The following SEMA3E variants were observed in gnomAD, a reference collection of about 807,000 sequenced individuals.
SEMA3E encodes semaphorin-3E.
A neutral mutation model predicts 93.6 loss-of-function variants in SEMA3E; 49 were observed. The observed-to-expected ratio is 0.52, with a 90% CI of 0.42 to 0.66. The LOEUF (loss-of-function observed/expected upper bound fraction) is 0.66, where lower values mean the gene tolerates loss of function less well. Among genes scored for constraint, SEMA3E ranks in the 30% least tolerant of loss-of-function variants. The pLI is 0.00. For missense variants in SEMA3E, 906 were observed against 964.8 expected, an observed-to-expected ratio of 0.94 and a Z score of 0.81; for synonymous variants, 363 against 330.7, an observed-to-expected ratio of 1.10 and a Z score of -1.06.
chr7:83,404,071 T>G (rs896128806), intron 9 of SEMA3E, among the ~76,000 whole-genome samples: 1 of 151,990 alleles, frequency 6.6e-6, no homozygotes, highest in South Asian at 2.1e-4. Context: ...CTTTAATTTA[T>G]CATATAAATT....
chr7:83,570,314 G>A (rs1490942235), intron 1 of SEMA3E, among the ~76,000 whole-genome samples: 2 of 151,816 alleles, frequency 1.3e-5, no homozygotes, highest in African/African-American at 2.4e-5. Context: ...AGCACTTTGG[G>A]AGGCCGAGGC....
intron 12 of SEMA3E, among the ~76,000 whole-genome samples, chr7:83,395,541 A>G (rs909195935): frequency 6.6e-6 from 1 of 152,194 alleles, no homozygotes; most frequent in South Asian, 2.1e-4. Context: ...CTTGAGTCAC[A>G]GGACATGCAC....
intron 1 of SEMA3E, among the ~76,000 whole-genome samples, chr7:83,493,679 T>C (rs1010260587): frequency 3.3e-5 from 5 of 152,076 alleles, no homozygotes; most frequent in Middle Eastern, 3.4e-3. Flanking sequence ...GTGACAACAA[T>C]TGAATTCCTA....
chr7:83,564,907 G>A (rs776520589), intron 1 of SEMA3E, among the ~76,000 whole-genome samples: 4 of 152,128 alleles, frequency 2.6e-5, no homozygotes, highest in Non-Finnish European at 4.4e-5. Flanking sequence ...GAATCCAGGT[G>A]CTGGTTTTTT....
intron 4 of SEMA3E, among the ~76,000 whole-genome samples, chr7:83,425,966 G>A (rs1023487430): frequency 1.3e-5 from 2 of 151,820 alleles, no homozygotes; most frequent in South Asian, 2.1e-4. Flanking sequence ...ACAACCATAT[G>A]AAAAAAAGCT....
intron 4 of SEMA3E, among the ~76,000 whole-genome samples, chr7:83,435,096 A>T (rs566657559): frequency 1.9e-4 from 29 of 152,140 alleles, no homozygotes; most frequent in Non-Finnish European, 4.3e-4. Flanking sequence ...TTTAGTCCAT[A>T]TTGTGTCCAT....
intron 4 of SEMA3E, among the ~76,000 whole-genome samples, chr7:83,451,236 A>T (rs2713177): frequency 0.63 from 95,434 of 152,016 alleles, 33,491 homozygotes; most frequent in East Asian, 1. Context: ...TTTATAAATT[A>T]CCCAGTTTCA....
At chr7:83,491,811 GA>G (rs2115982407) in intron 1 of SEMA3E, among the ~76,000 whole-genome samples, 1 of 152,014 alleles carries the variant, frequency 6.6e-6, no homozygotes, top group South Asian at 2.1e-4. Flanking sequence ...ACTTGGGAAG[GA>G]AAAGAAAATA....
chr7:83,408,760 A>C (rs1209778345), intron 5 of SEMA3E, among the ~76,000 whole-genome samples: 1 of 152,158 alleles, frequency 6.6e-6, no homozygotes, highest in African/African-American at 2.4e-5. Context: ...AAGATAGTTA[A>C]GAGCAAAGCA....
At chr7:83,642,272 A>C (rs1353798005) in intron 1 of SEMA3E, among the ~76,000 whole-genome samples, 1 of 152,152 alleles carries the variant, frequency 6.6e-6, no homozygotes, top group Non-Finnish European at 1.5e-5. Flanking sequence ...TAAGGTTACC[A>C]AGGCAAAGGA....
intron 4 of SEMA3E, among the ~76,000 whole-genome samples, chr7:83,452,426 C>T (rs1454900263): frequency 6.6e-6 from 1 of 152,186 alleles, no homozygotes; most frequent in Admixed American, 6.5e-5. Flanking sequence ...CCCGCTCCCT[C>T]ATTCCCTAGA....
intron 5 of SEMA3E, among the ~76,000 whole-genome samples, chr7:83,415,980 G>C (rs948508960): frequency 2.6e-5 from 4 of 152,024 alleles, no homozygotes; most frequent in Non-Finnish European, 4.4e-5. Flanking sequence ...GTTCTACCGA[G>C]CTTGCCAAAT....
At chr7:83,525,451 C>A (rs1195824113) in intron 1 of SEMA3E, among the ~76,000 whole-genome samples, 1 of 152,002 alleles carries the variant, frequency 6.6e-6, no homozygotes, top group East Asian at 1.9e-4. Flanking sequence ...GATGACTTCT[C>A]TCACATATGT....
chr7:83,549,061 A>C (rs1791708704), intron 1 of SEMA3E, among the ~76,000 whole-genome samples: 2 of 152,168 alleles, frequency 1.3e-5, no homozygotes, highest in Admixed American at 1.3e-4. Context: ...AAGAAGGACA[A>C]AACAGAAACT....
chr7:83,564,790 T>C (rs1792107540), intron 1 of SEMA3E, among the ~76,000 whole-genome samples: 1 of 152,156 alleles, frequency 6.6e-6, no homozygotes, highest in South Asian at 2.1e-4. Context: ...ATTACATGGT[T>C]GGCTAAAAAA....
chr7:83,544,454 G>A (rs565549551), intron 1 of SEMA3E, among the ~76,000 whole-genome samples: 1 of 152,050 alleles, frequency 6.6e-6, no homozygotes, highest in African/African-American at 2.4e-5. Context: ...TCCAACTGGG[G>A]AGGCATGAAA....
At chr7:83,517,541 A>G (rs1453361482) in intron 1 of SEMA3E, among the ~76,000 whole-genome samples, 1 of 152,198 alleles carries the variant, frequency 6.6e-6, no homozygotes, top group Non-Finnish European at 1.5e-5. Context: ...ACTAGATTCC[A>G]TTGTTATAAC....
intron 2 of SEMA3E, among the ~76,000 whole-genome samples, chr7:83,473,244 T>A (rs1789940830): frequency 6.6e-6 from 1 of 152,084 alleles, no homozygotes; most frequent in South Asian, 2.1e-4. Flanking sequence ...TTCTTTCTCC[T>A]CAGGATGCTT....
chr7:83,371,766 T>A (rs1189376919), intron 16 of SEMA3E: 1 of 152,126 alleles, frequency 6.6e-6, no homozygotes, highest in African/African-American at 2.4e-5. Context: ...ACTCTGAACA[T>A]ACTCTTTTTC....
Sources: allele counts gnomAD v4.1 joint callset (sites outside exome capture counted in the v4.1 genomes callset), GRCh38; gene constraint gnomAD v4.1.1; transcripts MANE v1.5; gene names NCBI Gene and HGNC (gene_info 2026-07-23, HGNC 2026-07-21).